The following CALCOCO1 variants were observed in gnomAD, a reference collection of about 807,000 sequenced individuals.
CALCOCO1 encodes the protein calcium-binding and coiled-coil domain-containing protein 1.
Under a neutral mutation model 86.3 loss-of-function variants are expected in CALCOCO1, and 44 were observed. The observed-to-expected ratio is 0.51, with a 90% CI of 0.40 to 0.66. The LOEUF is 0.66. Ranked by LOEUF, CALCOCO1 falls within the 30% of genes least tolerant of loss-of-function variation. CALCOCO1 has a pLI of 0.00. For missense variants in CALCOCO1, 708 were observed against 851.1 expected, an observed-to-expected ratio of 0.83 and a Z score of 2.09; for synonymous variants, 297 against 327.6, an observed-to-expected ratio of 0.91 and a Z score of 1.01.
At chr12:53,715,718 C>A in intron 9 of CALCOCO1, 75 bp downstream of exon 9, 1 of 1,569,302 alleles carries the variant, frequency 6.4e-7, no homozygotes, top group Non-Finnish European at 8.6e-7. Context: ...CCCAGAGGGT[C>A]TGACCACATG....
rs768070225 is a variant in CALCOCO1 at position 53,723,804 on chromosome 12, C to G, written c.260-21G>C. ...GCTGGCTGTGGGAAGAAGAATGGAC[C>G]CAGGACCCCAATAATCCACTGTCCT... On this transcript the variant is annotated intron_variant, in intron 3 of 14. Transcript: ENST00000550804. 12 of 1,606,148 alleles carry G rather than the reference C, an allele frequency of 7.5e-6. No individual in the cohort carries two copies. In the East Asian group the frequency reaches 2.2e-4, roughly 30 times the overall value.
Position 53,715,196 on chromosome 12 carries a change from T to C in CALCOCO1, c.1386+4A>G. The C allele has an allele frequency of 6.2e-7, 1 of 1,614,040 alleles. No individual in the cohort carries two copies. On this transcript the variant is annotated splice_donor_region_variant and intron_variant, in intron 10 of 14. Transcript: ENST00000550804. Reference sequence around the variant, plus strand: ...ACAGGACCCTTGGTGGCTGGATGCCTCACCAGGCTAGAATCCTTCTCCCGG... The same window carrying C: ...ACAGGACCCTTGGTGGCTGGATGCCCCACCAGGCTAGAATCCTTCTCCCGG...
rs1038089427 is a variant in CALCOCO1, at chr12:53,709,720, A to G, written c.*2224T>C. 3.3e-5 allele frequency: 5 copies of G among 152,582 alleles called. No homozygotes were observed. The highest frequency in any genetic ancestry group is 1.2e-4 in the African/African-American group (5 of 41,434). 9.5% of individuals were successfully genotyped at this position (152,582 alleles called of 1,614,324 possible). Reference sequence around the variant, plus strand: ...TCTGTATCAGTGGCCTTGTGCAGCTAGCCATGTGGCTCCTGTGGGTGTATG... The same window carrying G: ...TCTGTATCAGTGGCCTTGTGCAGCTGGCCATGTGGCTCCTGTGGGTGTATG... On this transcript the variant is annotated 3_prime_UTR_variant, in exon 15 of 15. Transcript: ENST00000550804.
chr12:53,722,943 C>CAAAAAAAAAAAAAAAAAAAAAAAAAAAAA, intron 4 of CALCOCO1: 1 of 188,528 alleles, frequency 5.3e-6, no homozygotes, highest in Non-Finnish European at 9.9e-6. Context: ...AAGGCTGTCT[C>CAAAAAAAAAAAAAAAAAAAAAAAAAAAAA]AAAAAAAAAA....
chr12:53,718,642 C>A (rs148019941), intron 7 of CALCOCO1, among the ~76,000 whole-genome samples: 2,075 of 152,210 alleles, frequency 0.014, 60 homozygotes, highest in African/African-American at 0.047. Context: ...AATCCTTCCA[C>A]CTCAGCTTCC....
chr12:53,711,101 T>C lies in CALCOCO1; in HGVS notation c.*843A>G. On this transcript the variant is annotated 3_prime_UTR_variant, in exon 15 of 15. Coordinates refer to ENST00000550804, the MANE Select transcript of CALCOCO1 (RefSeq NM_020898.3). ...AGTCACACCTCATGATAAGAACACA[T>C]TTTGTGACAACAGTCATACATATCA... 1 of 391,634 alleles carries C rather than the reference T, an allele frequency of 2.6e-6. No homozygotes were observed. Among genetic ancestry groups the C allele is most frequent in the Non-Finnish European group, 4.5e-6 (1 of 221,428 alleles). 24.3% of individuals were successfully genotyped at this position (391,634 alleles called of 1,614,324 possible). A position where few individuals can be genotyped will look rare whatever the true frequency, so the allele number is the denominator to read the frequency against.
intron 6 of CALCOCO1, 74 bp from the exon 7 acceptor site, chr12:53,719,903 T>G: frequency 2.1e-6 from 2 of 959,388 alleles, no homozygotes; most frequent in Non-Finnish European, 3.3e-6. Context: ...CTCTGTCTTG[T>G]GCTCTGCTGC....
rs151023884 is a variant in CALCOCO1 at position 53,721,573 on chromosome 12, T to C, written c.652A>G (p.Ile218Val). The change falls in exon 6 of 15, where the codon ATC (isoleucine) becomes GTC (valine). Residue 218 changes from isoleucine to valine, a missense_variant. Physicochemically the swap from Ile to Val is conservative, Grantham distance 29 (BLOSUM62 3). Transcript: ENST00000550804. ...TGGTCTCCCTGTTGCCGGCTCAGGA[T>C]GTCCCTCTCTTCTGTGATCTCCCCA... ...SHGEITEERD[I>V]LSRQQGDHVA... 229 of 1,613,840 alleles carry C rather than the reference T, an allele frequency of 1.4e-4. 1 individual carries two copies. In the African/African-American group the frequency reaches 2.5e-3, roughly 18 times the overall value.
chr12:53,715,781 CCATCCCT>C lies in CALCOCO1; in HGVS notation c.1260+5_1260+11del, dbSNP rs552429630. On this transcript the variant is annotated splice_donor_5th_base_variant and intron_variant, in intron 9 of 14. Coordinates refer to ENST00000550804, the MANE Select transcript of CALCOCO1 (RefSeq NM_020898.3). The stretch of plus-strand genomic sequence containing the variant: ...TGGCCATCAGATTGCCAGGTACCCC[CCATCCCT>C]CTACCTCCACACTCTGCAGCAGCCC... The C allele has an allele frequency of 1.2e-3, 1,876 of 1,610,088 alleles. 23 individuals carry two copies. Among genetic ancestry groups the C allele is most frequent in the Non-Finnish European group, 1.9e-4 (220 of 1,178,738 alleles).
At chr12:53,723,818 A>C in intron 3 of CALCOCO1, 35 bp from the exon 4 acceptor site, 2 of 1,589,976 alleles carry the variant, frequency 1.3e-6, no homozygotes, top group East Asian at 2.2e-5. Context: ...GACCCCAATA[A>C]TCCACTGTCC....
chr12:53,711,879 T>C lies in CALCOCO1; in HGVS notation c.*65A>G, dbSNP rs1306472769. The C allele has an allele frequency of 2.2e-6, 3 of 1,360,848 alleles. No individual in the cohort carries two copies. The highest frequency in any genetic ancestry group is 3.0e-5 in the African/African-American group (2 of 66,164). The allele number at this position is 1,360,848 out of a possible 1,614,324, so 84.3% of individuals were successfully genotyped here. A position where few individuals can be genotyped will look rare whatever the true frequency, so the allele number is the denominator to read the frequency against. Reference sequence around the variant, plus strand: ...ATAGAAAATGGGCATGAAACCTAAGTGTATGCATGTGTGTGAGTGTGTGTG... The same window carrying C: ...ATAGAAAATGGGCATGAAACCTAAGCGTATGCATGTGTGTGAGTGTGTGTG... On this transcript the variant is annotated 3_prime_UTR_variant, in exon 15 of 15. Coordinates refer to ENST00000550804, the MANE Select transcript of CALCOCO1 (RefSeq NM_020898.3).
In CALCOCO1 at chr12:53,711,920, T is replaced by C; in HGVS notation, c.*24A>G. On this transcript the variant is annotated 3_prime_UTR_variant, in exon 15 of 15. Coordinates refer to ENST00000550804, the MANE Select transcript of CALCOCO1 (RefSeq NM_020898.3). ...AGTGTGTGTGTGCATGAGTGTGTAT[T>C]TGTGCATGTACGAGGGAGTAAGATC... 6.5e-7 allele frequency: 1 copy of C among 1,530,632 alleles called. No individual in the cohort carries two copies. Among genetic ancestry groups the C allele is most frequent in the Non-Finnish European group, 8.8e-7 (1 of 1,139,158 alleles). 94.8% of individuals were successfully genotyped at this position (1,530,632 alleles called of 1,614,324 possible).
At chr12:53,714,267 G>A (rs759479473) in intron 11 of CALCOCO1, 26 bp from the exon 12 acceptor site, 11 of 1,574,920 alleles carry the variant, frequency 7.0e-6, no homozygotes, top group Non-Finnish European at 9.6e-6. Context: ...AAAAAGGCAG[G>A]TGCTAGAGAA....
chr12:53,717,526 C>T (rs926803081), intron 7 of CALCOCO1, among the ~76,000 whole-genome samples: 1 of 152,220 alleles, frequency 6.6e-6, no homozygotes, highest in Non-Finnish European at 1.5e-5. Context: ...GCCTTTAAGC[C>T]TTTGCTCACG....
At chr12:53,712,859 A>G in intron 14 of CALCOCO1, 1 of 1,468,002 alleles carries the variant, frequency 6.8e-7, no homozygotes, top group Non-Finnish European at 9.1e-7. Context: ...AGAACAACAT[A>G]GAAGCCAGTT....
At chr12:53,719,502 G>A (rs774082758) in intron 7 of CALCOCO1, among the ~76,000 whole-genome samples, 1 of 152,072 alleles carries the variant, frequency 6.6e-6, no homozygotes, top group Non-Finnish European at 1.5e-5. Context: ...CTTCAGCACA[G>A]GAGACAAAGT....
chr12:53,714,061 T>A, intron 12 of CALCOCO1, 72 bp downstream of exon 12: 1 of 1,401,506 alleles, frequency 7.1e-7, no homozygotes, highest in East Asian at 2.3e-5. Context: ...CCCAGCAAGG[T>A]TACATGGAGC....
chr12:53,712,774 C>A, intron 14 of CALCOCO1: 1 of 1,336,966 alleles, frequency 7.5e-7, no homozygotes, highest in Non-Finnish European at 9.8e-7. Context: ...TAGGTACCTA[C>A]CTGGTGGTTG....
At chr12:53,713,526 C>A (rs946920747) in intron 13 of CALCOCO1, among the ~76,000 whole-genome samples, 175 bp downstream of exon 13, 2 of 152,120 alleles carry the variant, frequency 1.3e-5, no homozygotes, top group African/African-American at 4.8e-5. Context: ...TCTAATTAGC[C>A]GGGGGTGCCT....
Sources: allele counts gnomAD v4.1 joint callset (sites outside exome capture counted in the v4.1 genomes callset), GRCh38; gene constraint gnomAD v4.1.1; transcripts MANE v1.5; gene names NCBI Gene and HGNC (gene_info 2026-07-23, HGNC 2026-07-21).